GABBR1: variants seen among roughly 807,000 people sequenced by gnomAD.
GABBR1 encodes the protein GABA-B receptor, R1 subunit.
In GABBR1, 35 loss-of-function variants were observed where a neutral mutation model predicts 117.7. The ratio of observed to expected loss-of-function variants is 0.30; its 90% confidence interval spans 0.23 to 0.39. GABBR1 has a LOEUF of 0.39. Ranked by LOEUF, GABBR1 falls within the 10% of genes least tolerant of loss-of-function variation. GABBR1 has a pLI of 1.00. For synonymous variants in GABBR1, 442 were observed against 486.6 expected, an observed-to-expected ratio of 0.91 and a Z score of 1.21; for missense variants, 709 against 1,241.8, an observed-to-expected ratio of 0.57 and a Z score of 6.45.
chr6:29,629,020 G>C (rs185400700), intron 5 of GABBR1, 67 bp downstream of exon 5: 22 of 1,587,482 alleles, frequency 1.4e-5, no homozygotes, highest in African/African-American at 6.7e-5. Context: ...AGAATTTCAG[G>C]GGGGTGGAGG....
chr6:29,624,036 G>T lies in GABBR1; in HGVS notation c.658-12C>A. 1.2e-6 allele frequency: 2 copies of T among 1,604,418 alleles called. No individual in the cohort carries two copies. The highest frequency in any genetic ancestry group is 2.2e-5 in the South Asian group (2 of 90,040). The stretch of plus-strand genomic sequence containing the variant: ...TGGCCTGGATCACACTGAAAGACAA[G>T]AGGAGATGAGGGCAAGCTCTCCTGG... On this transcript the variant is annotated splice_polypyrimidine_tract_variant and intron_variant, in intron 6 of 22. Coordinates refer to ENST00000377034, the MANE Select transcript of GABBR1 (RefSeq NM_001470.4).
Position 29,607,957 on chromosome 6 carries a change from AATGCCATGTGCACAGATGT to A in GABBR1, c.1992+625_1992+643del, listed in dbSNP as rs1762130849. On this transcript the variant is annotated intron_variant, in intron 16 of 22. Coordinates refer to ENST00000377034, the MANE Select transcript of GABBR1 (RefSeq NM_001470.4). This position sits in a 1 kb window ranked among gnomAD's most constrained non-coding sequence, Gnocchi z 5.0. Reference sequence around the variant, plus strand: ...TGAACTGCATGTGCATGTGCATGGAAATGCCATGTGCACAGATGTATGATCAGGACAGCACAGAGCAGAG... The same window carrying A: ...TGAACTGCATGTGCATGTGCATGGAAATGATCAGGACAGCACAGAGCAGAG... 6.6e-6 allele frequency among the ~76,000 whole-genome samples: 1 copy of A among 152,250 alleles called. No homozygotes were observed. Among genetic ancestry groups the A allele is most frequent in the Non-Finnish European group, 1.5e-5 (1 of 68,042 alleles).
rs1425048545 is a variant in GABBR1, at chr6:29,605,487, C to G, written c.2439+82G>C. The G allele has an allele frequency of 1.3e-6, 2 of 1,511,256 alleles. No homozygotes were observed. Among genetic ancestry groups the G allele is most frequent in the Non-Finnish European group, 1.8e-6 (2 of 1,109,876 alleles). 93.6% of individuals were successfully genotyped at this position (1,511,256 alleles called of 1,614,324 possible). ...GACTTCTAAGCAACCGATCCCAGAT[C>G]TAGCATTGATTCTTCCTAGTCCTCT... On this transcript the variant is annotated intron_variant, in intron 20 of 22. Transcript: ENST00000377034. The surrounding 1 kb of genome is among the most constrained non-coding windows in gnomAD (Gnocchi z 4.2).
Position 29,606,273 on chromosome 6 carries a change from T to C in GABBR1, c.2311+118A>G, listed in dbSNP as rs1761944649. 1 of 736,006 alleles carries C rather than the reference T, an allele frequency of 1.4e-6. No individual in the cohort carries two copies. Among genetic ancestry groups the C allele is most frequent in the Non-Finnish European group, 2.5e-6 (1 of 406,740 alleles). 45.6% of individuals were successfully genotyped at this position (736,006 alleles called of 1,614,324 possible). On this transcript the variant is annotated intron_variant, in intron 19 of 22. Transcript: ENST00000377034. This position sits in a 1 kb window ranked among gnomAD's most constrained non-coding sequence, Gnocchi z 4.5. Reference sequence around the variant, plus strand: ...ATAACAAAGAGTAGGGTGTTCAAACTGGGTTGACAAGCTCTCTACCTCCTC... The same window carrying C: ...ATAACAAAGAGTAGGGTGTTCAAACCGGGTTGACAAGCTCTCTACCTCCTC...
At position 29,632,242 on chromosome 6, in the gene GABBR1, G is replaced by T; in HGVS notation, c.85+59C>A. ...TAGTGATGAGGACCAGAAATGAGGA[G>T]ATGCAGGGAAAGGGAAGTGGAGCGA... On this transcript the variant is annotated intron_variant, in intron 2 of 22. Transcript: ENST00000377034. This position sits in a 1 kb window ranked among gnomAD's most constrained non-coding sequence, Gnocchi z 5.8. The T allele has an allele frequency of 2.0e-6, 2 of 1,002,678 alleles. No homozygotes were observed. Among genetic ancestry groups the T allele is most frequent in the Non-Finnish European group, 2.8e-6 (2 of 721,150 alleles). 62.1% of individuals were successfully genotyped at this position (1,002,678 alleles called of 1,614,324 possible).
intron 22 of GABBR1, 105 bp from the exon 23 acceptor site, chr6:29,603,821 G>A (rs1036978118): frequency 2.5e-6 from 2 of 794,394 alleles, no homozygotes; most frequent in Admixed American, 3.7e-5. Context: ...GAAGGGCACA[G>A]AAAAATGTAG....
chr6:29,617,301 C>CTTT (rs373993426), intron 11 of GABBR1, among the ~76,000 whole-genome samples: 23 of 119,862 alleles, frequency 1.9e-4, no homozygotes, highest in East Asian at 5.0e-4. Context: ...TTCTTTCTTT[C>CTTT]TTTTTTTTTT....
intron 11 of GABBR1, among the ~76,000 whole-genome samples, chr6:29,617,301 C>CTTTTTTTT (rs373993426): frequency 5.8e-4 from 70 of 119,864 alleles, no homozygotes; most frequent in South Asian, 8.3e-4. Flanking sequence ...TTCTTTCTTT[C>CTTTTTTTT]TTTTTTTTTT....
intron 11 of GABBR1, among the ~76,000 whole-genome samples, chr6:29,620,000 T>C (rs978690318): frequency 2.0e-5 from 3 of 152,222 alleles, no homozygotes; most frequent in Non-Finnish European, 2.9e-5. Context: ...TGCTCAGCAA[T>C]TGCCAGTAGC....
chr6:29,628,344 A>T (rs1411105179), intron 5 of GABBR1: 1 of 165,296 alleles, frequency 6.0e-6, no homozygotes, highest in Admixed American at 6.5e-5. Context: ...AGCACGGAGG[A>T]ACCAGGGTAG....
rs770200566 is a variant in GABBR1, at chr6:29,609,492, A to G, written c.1709-113T>C. The G allele has an allele frequency of 9.1e-6, 8 of 876,272 alleles. No individual in the cohort carries two copies. Among genetic ancestry groups the G allele is most frequent in the Non-Finnish European group, 1.4e-5 (8 of 561,490 alleles). 54.3% of individuals were successfully genotyped at this position (876,272 alleles called of 1,614,324 possible). A position where few individuals can be genotyped will look rare whatever the true frequency, so the allele number is the denominator to read the frequency against. On this transcript the variant is annotated intron_variant, in intron 14 of 22. Coordinates refer to ENST00000377034, the MANE Select transcript of GABBR1 (RefSeq NM_001470.4). This position sits in a 1 kb window ranked among gnomAD's most constrained non-coding sequence, Gnocchi z 4.3. ...AGAACTAGATTGCTGATGGACATTC[A>G]GTCATTGGCTGGGGACATGAGGCCC...
chr6:29,605,123 G>C lies in GABBR1; in HGVS notation c.2440-135C>G, dbSNP rs1761816842. 6.5e-6 allele frequency: 6 copies of C among 926,482 alleles called. No individual in the cohort carries two copies. The highest frequency in any genetic ancestry group is 2.7e-5 in the East Asian group (1 of 37,548). The allele number at this position is 926,482 out of a possible 1,614,324, so 57.4% of individuals were successfully genotyped here. Reference sequence around the variant, plus strand: ...CCCTTTGAAAAGGATCCAAATTCAGGATCATCCTCAAATATAGATTGAGAA... The same window carrying C: ...CCCTTTGAAAAGGATCCAAATTCAGCATCATCCTCAAATATAGATTGAGAA... On this transcript the variant is annotated intron_variant, in intron 20 of 22. Coordinates refer to ENST00000377034, the MANE Select transcript of GABBR1 (RefSeq NM_001470.4). This position sits in a 1 kb window ranked among gnomAD's most constrained non-coding sequence, Gnocchi z 4.2.
intron 11 of GABBR1, among the ~76,000 whole-genome samples, chr6:29,616,157 C>T (rs1379315587): frequency 9.3e-5 from 14 of 150,012 alleles, no homozygotes; most frequent in Non-Finnish European, 1.5e-4. Context: ...GCCAAGATCG[C>T]GCCATTGCAC....
Position 29,630,405 on chromosome 6 carries a change from C to T in GABBR1, c.475+53G>A, listed in dbSNP as rs1217365192. The T allele has an allele frequency of 1.3e-6, 2 of 1,490,388 alleles. No individual in the cohort carries two copies. Among genetic ancestry groups the T allele is most frequent in the Non-Finnish European group, 1.9e-6 (2 of 1,073,690 alleles). 92.3% of individuals were successfully genotyped at this position (1,490,388 alleles called of 1,614,324 possible). A position where few individuals can be genotyped will look rare whatever the true frequency, so the allele number is the denominator to read the frequency against. On this transcript the variant is annotated intron_variant, in intron 4 of 22. Coordinates refer to ENST00000377034, the MANE Select transcript of GABBR1 (RefSeq NM_001470.4). The surrounding 1 kb of genome is among the most constrained non-coding windows in gnomAD (Gnocchi z 4.9). Reference sequence around the variant, plus strand: ...CCATTATCCATTCCCACCCCACTCCCATCCTCACACAAGCGTCCTCATCAG... The same window carrying T: ...CCATTATCCATTCCCACCCCACTCCTATCCTCACACAAGCGTCCTCATCAG...
Position 29,627,835 on chromosome 6 carries a change from A to AG in GABBR1, c.497-190dup, listed in dbSNP as rs1764480413. The AG allele has an allele frequency of 4.3e-6, 6 of 1,404,076 alleles. No individual in the cohort carries two copies. Among genetic ancestry groups the AG allele is most frequent in the Non-Finnish European group, 5.5e-6 (6 of 1,082,808 alleles). 87.0% of individuals were successfully genotyped at this position (1,404,076 alleles called of 1,614,324 possible). A position where few individuals can be genotyped will look rare whatever the true frequency, so the allele number is the denominator to read the frequency against. On this transcript the variant is annotated intron_variant, in intron 5 of 22. Coordinates refer to ENST00000377034, the MANE Select transcript of GABBR1 (RefSeq NM_001470.4). The surrounding 1 kb of genome is among the most constrained non-coding windows in gnomAD (Gnocchi z 4.4). ...AGCTGTTGGGGAGCGTTAGGAGCTC[A>AG]GGGGGGACACTTTTCCTGGGGAGGG...
intron 11 of GABBR1, among the ~76,000 whole-genome samples, chr6:29,618,951 G>A (rs1763464485): frequency 6.6e-6 from 1 of 152,104 alleles, no homozygotes. Flanking sequence ...TAGCGTCTGA[G>A]TCTAGGGTAG....
Position 29,613,617 on chromosome 6 carries a change from T to A in GABBR1, c.1324-132A>T. ...TGTTACTGTTGTCAGATTGGACACA[T>A]GTACATTCAAAATCTTTAACTATAC... On this transcript the variant is annotated intron_variant, in intron 11 of 22. Transcript: ENST00000377034. The surrounding 1 kb of genome is among the most constrained non-coding windows in gnomAD (Gnocchi z 4.1). 8.6e-7 allele frequency: 1 copy of A among 1,156,820 alleles called. No individual in the cohort carries two copies. The highest frequency in any genetic ancestry group is 1.2e-6 in the Non-Finnish European group (1 of 817,238). The allele number at this position is 1,156,820 out of a possible 1,614,324, so 71.7% of individuals were successfully genotyped here. A position where few individuals can be genotyped will look rare whatever the true frequency, so the allele number is the denominator to read the frequency against.
At chr6:29,616,624 G>A (rs1763137483) in intron 11 of GABBR1, among the ~76,000 whole-genome samples, 1 of 151,810 alleles carries the variant, frequency 6.6e-6, no homozygotes, top group Non-Finnish European at 1.5e-5. Flanking sequence ...GGCAGAGGTT[G>A]CAGTGAGCCG....
In GABBR1 at chr6:29,602,612, A is replaced by G; in HGVS notation, c.*931T>C. 4.9e-6 allele frequency: 1 copy of G among 204,570 alleles called. No individual in the cohort carries two copies. The highest frequency in any genetic ancestry group is 1.3e-4 in the East Asian group (1 of 7,982). 12.7% of individuals were successfully genotyped at this position (204,570 alleles called of 1,614,324 possible). ...CCAAACATGAATTGGGGAAAAGTGC[A>G]TAACAATGTGCAGGGTAGGGTACAT... On this transcript the variant is annotated 3_prime_UTR_variant, in exon 23 of 23. Coordinates refer to ENST00000377034, the MANE Select transcript of GABBR1 (RefSeq NM_001470.4).
Sources: gnomAD v4.1 joint callset for allele counts (sites outside exome capture counted in the v4.1 genomes callset) on GRCh38, gnomAD v4.1.1 for gene constraint, Gnocchi (gnomAD v3.1) non-coding constraint, MANE v1.5 for transcripts, NCBI Gene and HGNC (gene_info 2026-07-23, HGNC 2026-07-21) for gene names.